BICC1: variants seen among roughly 807,000 people sequenced by gnomAD.
BICC1 encodes BicC family RNA binding protein 1, also known as protein bicaudal C homolog 1.
A neutral mutation model predicts 111.0 loss-of-function variants in BICC1; 43 were observed. The ratio of observed to expected loss-of-function variants is 0.39; its 90% CI spans 0.30 to 0.50. The LOEUF is 0.50. Ranked by LOEUF, BICC1 falls within the 20% of genes least tolerant of loss-of-function variation. The pLI is 0.88. For missense variants in BICC1, 1,091 were observed against 1,203.2 expected (o/e 0.91, Z 1.38); for synonymous variants, 467 against 434.4 (o/e 1.07, Z -0.93).
intron 2 of BICC1, among the ~76,000 whole-genome samples, chr10:58,624,737 G>A (rs918771550): frequency 7.9e-5 from 12 of 152,180 alleles, no homozygotes; most frequent in Admixed American, 7.2e-4. Context: ...GGGATTACAG[G>A]CATGCGCCAC....
At chr10:58,603,927 G>T (rs1007995697) in intron 1 of BICC1, among the ~76,000 whole-genome samples, 4 of 152,290 alleles carry the variant, frequency 2.6e-5, no homozygotes, top group South Asian at 2.1e-4. Flanking sequence ...TACGTAATAA[G>T]TATTGCCAAT....
At chr10:58,632,413 C>G (rs1451910128) in intron 2 of BICC1, among the ~76,000 whole-genome samples, 1 of 152,116 alleles carries the variant, frequency 6.6e-6, no homozygotes, top group East Asian at 1.9e-4. Flanking sequence ...TATGGCTTCT[C>G]TCCTCAAGAG....
At chr10:58,588,776 G>T (rs964944899) in intron 1 of BICC1, among the ~76,000 whole-genome samples, 4 of 152,172 alleles carry the variant, frequency 2.6e-5, no homozygotes, top group Non-Finnish European at 5.9e-5. Flanking sequence ...AATATCGAGT[G>T]CCAGGCCCCA....
At chr10:58,634,174 G>A (rs1156925372) in intron 2 of BICC1, among the ~76,000 whole-genome samples, 1 of 151,560 alleles carries the variant, frequency 6.6e-6, no homozygotes, top group Non-Finnish European at 1.5e-5. Context: ...TGTATTTTTA[G>A]TAGAAACAGC....
chr10:58,678,958 G>A (rs1839429737), intron 2 of BICC1, among the ~76,000 whole-genome samples: 1 of 152,132 alleles, frequency 6.6e-6, no homozygotes, highest in Non-Finnish European at 1.5e-5. Context: ...ACAAAATTAG[G>A]CAGAAATAAA....
chr10:58,811,652 G>A (rs1327025068), intron 17 of BICC1, among the ~76,000 whole-genome samples: 1 of 152,116 alleles, frequency 6.6e-6, no homozygotes, highest in Non-Finnish European at 1.5e-5. Flanking sequence ...TTGAATACAA[G>A]GTTCTTACTT....
intron 9 of BICC1, 82 bp downstream of exon 9, chr10:58,793,697 G>A: frequency 6.9e-7 from 1 of 1,452,334 alleles, no homozygotes; most frequent in East Asian, 2.3e-5. Flanking sequence ...GTATTTATTT[G>A]CATATACATG....
intron 1 of BICC1, among the ~76,000 whole-genome samples, chr10:58,536,899 A>T (rs916007633): frequency 1.3e-5 from 2 of 151,756 alleles, no homozygotes; most frequent in African/African-American, 4.8e-5. Context: ...AATATAAAAG[A>T]CTATTTGAGA....
In BICC1 at chr10:58,730,614, T is replaced by G. The variant is rs529749944; in HGVS notation, c.307+28471T>G. Among the ~76,000 whole-genome samples, 4 of 152,122 alleles carry G rather than the reference T, an allele frequency of 2.6e-5. No individual in the cohort carries two copies. In the East Asian group the frequency reaches 7.8e-4, roughly 30 times the overall value. On this transcript the variant is annotated intron_variant, in intron 3 of 20. Transcript: ENST00000373886. ...CTCTGCCCCTGTAGCAGGCTTCTGC[T>G]TGGACATCTAGGCTTTTTCATATAT...
intron 10 of BICC1, among the ~76,000 whole-genome samples, chr10:58,797,521 A>G (rs1286012001): frequency 1.3e-5 from 2 of 152,116 alleles, no homozygotes; most frequent in Admixed American, 1.3e-4. Context: ...TTCCACTGGG[A>G]CCTGAACAGA....
intron 3 of BICC1, among the ~76,000 whole-genome samples, chr10:58,729,836 T>G (rs753674734): frequency 5.3e-5 from 8 of 152,172 alleles, no homozygotes; most frequent in Non-Finnish European, 1.2e-4. Context: ...AAATCATCCA[T>G]GAAGAATCCA....
rs753079034 is a variant in BICC1, at chr10:58,785,034, A to G, written c.341A>G (p.Asp114Gly). ...PHIKVSGKKE[D>G]VKEAKEMIMS... Reference sequence around the variant, plus strand: ...ATTAAGGTTTCTGGAAAGAAAGAAGATGTTAAAGAAGCCAAGGAAATGATC... The same window carrying G: ...ATTAAGGTTTCTGGAAAGAAAGAAGGTGTTAAAGAAGCCAAGGAAATGATC... Residue 114 changes from aspartate (D) to glycine (G), a missense_variant, in exon 4 of 21, where the codon GAT (aspartate) becomes GGT (glycine). This residue lies in a region of BICC1 where 843 missense variants were observed against 900.8 expected (regional missense o/e 0.94). Transcript: ENST00000373886. 3 of 1,600,576 alleles carry G rather than the reference A, an allele frequency of 1.9e-6. No homozygotes were observed. Among genetic ancestry groups the G allele is most frequent in the South Asian group, 2.2e-5 (2 of 89,210 alleles).
intron 1 of BICC1, among the ~76,000 whole-genome samples, chr10:58,562,889 TG>T (rs1843648709): frequency 6.6e-6 from 1 of 152,208 alleles, no homozygotes; most frequent in Admixed American, 6.5e-5. Context: ...AGTGCCTCAG[TG>T]GCCTGGGCTG....
chr10:58,771,789 A>G (rs1842628378), intron 3 of BICC1, among the ~76,000 whole-genome samples: 1 of 152,232 alleles, frequency 6.6e-6, no homozygotes, highest in South Asian at 2.1e-4. Context: ...GAGGTCTTTG[A>G]AAACCACAGC....
intron 10 of BICC1, among the ~76,000 whole-genome samples, chr10:58,796,875 C>G (rs1365190461): frequency 1.3e-5 from 2 of 149,884 alleles, no homozygotes; most frequent in Non-Finnish European, 2.9e-5. Flanking sequence ...TCTTCAGTCC[C>G]TAGAGATAAA....
At chr10:58,557,393 A>G (rs989332548) in intron 1 of BICC1, among the ~76,000 whole-genome samples, 1 of 145,216 alleles carries the variant, frequency 6.9e-6, no homozygotes, top group African/African-American at 2.6e-5. Flanking sequence ...TCTTGGATTT[A>G]TAGCTTTATT....
intron 8 of BICC1, among the ~76,000 whole-genome samples, chr10:58,791,470 G>A (rs1843174019): frequency 6.6e-6 from 1 of 152,154 alleles, no homozygotes; most frequent in Non-Finnish European, 1.5e-5. Flanking sequence ...GGGCGCGGTG[G>A]CTTACACCTG....
intron 2 of BICC1, chr10:58,648,672 A>G: frequency 1.0e-6 from 1 of 984,590 alleles, no homozygotes; most frequent in Non-Finnish European, 1.2e-6. Flanking sequence ...ACGCTAAGGT[A>G]CAGAATGCCT....
At chr10:58,771,296 A>G (rs1842617069) in intron 3 of BICC1, among the ~76,000 whole-genome samples, 2 of 152,192 alleles carry the variant, frequency 1.3e-5, no homozygotes, top group Admixed American at 6.5e-5. Flanking sequence ...AGGCACAAAA[A>G]TTATGAGGAA....
Sources: gnomAD v4.1 joint callset for allele counts (sites outside exome capture counted in the v4.1 genomes callset) on GRCh38, gnomAD v4.1.1 for gene constraint, gnomAD v4.1.1 regional missense constraint, MANE v1.5 for transcripts, NCBI Gene and HGNC (gene_info 2026-07-23, HGNC 2026-07-21) for gene names.